The following UNC79 variants were observed in gnomAD, a reference collection of about 807,000 sequenced individuals.
UNC79 encodes unc-79 subunit of NALCN channel complex.
A neutral mutation model predicts 283.1 loss-of-function variants in UNC79; 37 were observed. The observed-to-expected ratio is 0.13, with a 90% CI of 0.10 to 0.17. The LOEUF (loss-of-function observed/expected upper bound fraction) is 0.17. Among genes scored for constraint, UNC79 ranks in the 10% least tolerant of loss-of-function variants. The pLI is 1.00. For synonymous variants in UNC79, 1,107 were observed against 1,200.2 expected (o/e 0.92, Z 1.61); for missense variants, 2,272 against 3,211.1 (o/e 0.71, Z 7.07).
chr14:93,431,095 G>A, intron 1 of UNC79, 44 bp downstream of exon 1: 1 of 683,048 alleles, frequency 1.5e-6, no homozygotes, highest in South Asian at 1.5e-5. Context: ...CCTCGGCTGG[G>A]AGCTATTGCA....
In UNC79 at chr14:93,654,705, A is replaced by T. The variant is rs773542517; in HGVS notation, c.6283-529A>T. On this transcript the variant is annotated intron_variant, in intron 37 of 48. Transcript: ENST00000555664. Reference sequence around the variant, plus strand: ...GCGGCTTTGCGTGGATTTACTCTTCATTGAAAACTTCTCCATACCCTCAGC... The same window carrying T: ...GCGGCTTTGCGTGGATTTACTCTTCTTTGAAAACTTCTCCATACCCTCAGC... Among the ~76,000 whole-genome samples the T allele has an allele frequency of 1.5e-4, 23 of 152,216 alleles. 1 individual carries two copies. Among genetic ancestry groups the T allele is most frequent in the Admixed American group, 2.0e-4 (3 of 15,286 alleles).
chr14:93,496,294 A>G, intron 5 of UNC79, 117 bp from the exon 6 acceptor site: 1 of 618,356 alleles, frequency 1.6e-6, no homozygotes, highest in Non-Finnish European at 2.6e-6. Flanking sequence ...AGTTATTTCT[A>G]ATTTAATGAT....
intron 14 of UNC79, among the ~76,000 whole-genome samples, chr14:93,553,240 G>A (rs1328789873): frequency 6.6e-6 from 1 of 152,188 alleles, no homozygotes; most frequent in Non-Finnish European, 1.5e-5. Flanking sequence ...GTTGTAAATG[G>A]TTTAAAAGGG....
intron 46 of UNC79, among the ~76,000 whole-genome samples, chr14:93,693,073 A>G (rs545738998): frequency 6.6e-6 from 1 of 152,308 alleles, no homozygotes; most frequent in African/African-American, 2.4e-5. Context: ...TTGGTTCTTA[A>G]TTAGAAAGGG....
chr14:93,588,740 CAAAAAAA>C (rs397745981), intron 22 of UNC79, among the ~76,000 whole-genome samples: 16 of 17,790 alleles, frequency 9.0e-4, no homozygotes, highest in South Asian at 2.4e-3. Context: ...GACTCCGTCT[CAAAAAAA>C]AAAAAAAAAA....
In UNC79 at chr14:93,404,493, A is replaced by AAAAAAAAAATATAT; in HGVS notation, c.-350-63177_-350-63176insAAAAAAAATATATA. Among the ~76,000 whole-genome samples, 28 of 61,492 alleles carry AAAAAAAAAATATAT rather than the reference A, an allele frequency of 4.6e-4. No homozygotes were observed. The East Asian group carries it at 6.4e-3, about 14-fold the overall frequency. 40.3% of individuals were successfully genotyped at this position (61,492 alleles called of 152,430 possible). On this transcript the variant is annotated intron_variant, in intron 1 of 49. Transcript: ENST00000256339. The stretch of plus-strand genomic sequence containing the variant: ...TGACAGAGTGAGACCTTCTAAAAAA[A>AAAAAAAAAATATAT]ATATATATATATATATATATAAATA...
chr14:93,362,172 G>C (rs893979417), intron 1 of UNC79, among the ~76,000 whole-genome samples: 2 of 152,212 alleles, frequency 1.3e-5, no homozygotes, highest in Non-Finnish European at 2.9e-5. Flanking sequence ...GTCTCACCAG[G>C]TTTTGGTATC....
At chr14:93,524,127 G>A (rs1023781556) in intron 8 of UNC79, 85 bp downstream of exon 8, 2 of 1,438,642 alleles carry the variant, frequency 1.4e-6, no homozygotes, top group African/African-American at 1.4e-5. Flanking sequence ...ATCCTTCTCT[G>A]TAAAGCAGAG....
At chr14:93,544,141 CTT>C (rs915145014) in intron 14 of UNC79, among the ~76,000 whole-genome samples, 6 of 152,168 alleles carry the variant, frequency 3.9e-5, no homozygotes, top group African/African-American at 1.4e-4. Context: ...GGGAGAAAAA[CTT>C]TTCTTATTCC....
intron 16 of UNC79, among the ~76,000 whole-genome samples, chr14:93,574,680 C>T (rs1391842257): frequency 6.6e-6 from 1 of 152,122 alleles, no homozygotes; most frequent in Non-Finnish European, 1.5e-5. Flanking sequence ...TTGTACCAGA[C>T]AGCAGGATCG....
intron 30 of UNC79, among the ~76,000 whole-genome samples, chr14:93,628,912 A>ACCAAGG (rs1235460514): frequency 1.3e-5 from 2 of 152,178 alleles, no homozygotes; most frequent in African/African-American, 4.8e-5. Context: ...TAATGGGGAT[A>ACCAAGG]CCAAGGCCAG....
intron 1 of UNC79, among the ~76,000 whole-genome samples, chr14:93,455,788 T>C (rs1348363980): frequency 6.6e-6 from 1 of 152,152 alleles, no homozygotes. Flanking sequence ...AAATTGAGAC[T>C]CAGAGAAGTT....
intron 26 of UNC79, among the ~76,000 whole-genome samples, chr14:93,611,102 C>CT (rs1251968810): frequency 1.3e-5 from 2 of 152,022 alleles, no homozygotes; most frequent in African/African-American, 2.4e-5. Flanking sequence ...TGATGCATGC[C>CT]TAATAAGTAA....
At chr14:93,492,235 G>C (rs1373227139) in intron 5 of UNC79, among the ~76,000 whole-genome samples, 1 of 152,208 alleles carries the variant, frequency 6.6e-6, no homozygotes, top group Non-Finnish European at 1.5e-5. Context: ...GTACATAGGA[G>C]TACTAAATAA....
chr14:93,643,677 T>C (rs1353060979), exon 34 of UNC79: 2 of 1,612,850 alleles, frequency 1.2e-6, no homozygotes, highest in Non-Finnish European at 1.7e-6. Context: ...TGCTGCTGGA[T>C]ATCATGCAGT....
At position 93,635,365 on chromosome 14, in the gene UNC79, A is replaced by C. The variant is rs543000229; in HGVS notation, c.5717-1851A>C. 4.6e-5 allele frequency among the ~76,000 whole-genome samples: 7 copies of C among 152,198 alleles called. No homozygotes were observed. In the East Asian group the frequency reaches 1.3e-3, roughly 29 times the overall value. ...TGGGTCATTTGAGTTACAAGATTCT[A>C]TATGTGAAAACACCTTGCAACATGC... On this transcript the variant is annotated intron_variant, in intron 31 of 48. Coordinates refer to ENST00000555664, the Ensembl canonical transcript of UNC79.
intron 35 of UNC79, among the ~76,000 whole-genome samples, chr14:93,647,773 C>T (rs961237965): frequency 6.6e-6 from 1 of 152,066 alleles, no homozygotes; most frequent in African/African-American, 2.4e-5. Context: ...TAATGACATG[C>T]CTAAGACTGG....
intron 10 of UNC79, among the ~76,000 whole-genome samples, chr14:93,530,832 CTT>C (rs2060785695): frequency 6.6e-6 from 1 of 152,074 alleles, no homozygotes; most frequent in African/African-American, 2.4e-5. Flanking sequence ...TGGCGTGAAC[CTT>C]TGAGGCGGAG....
At chr14:93,539,288 C>T (rs1029769250) in intron 12 of UNC79, among the ~76,000 whole-genome samples, 1 of 148,750 alleles carries the variant, frequency 6.7e-6, no homozygotes, top group Non-Finnish European at 1.5e-5. Context: ...TTTGAGAGAC[C>T]GAGGCGGGTG....
Sources: gnomAD v4.1 joint callset for allele counts (sites outside exome capture counted in the v4.1 genomes callset) on GRCh38, gnomAD v4.1.1 for gene constraint, MANE v1.5 for transcripts, NCBI Gene and HGNC (gene_info 2026-07-23, HGNC 2026-07-21) for gene names.